The following OCA2 variants were observed in gnomAD, a reference collection of about 807,000 sequenced individuals.
OCA2 encodes the protein OCA2 melanosomal transmembrane protein.
Under a neutral mutation model 100.2 loss-of-function variants are expected in OCA2, and 77 were observed. The observed-to-expected ratio is 0.77, with a 90% CI of 0.64 to 0.93. The LOEUF is 0.93. Among genes scored for constraint, OCA2 ranks in the 40% least tolerant of loss-of-function variants. The probability of loss-of-function intolerance (pLI) is 0.00; values close to 1 mark genes in which losing one functional copy is unlikely to be tolerated. For synonymous variants in OCA2, 432 were observed against 439.2 expected, an observed-to-expected ratio of 0.98 and a Z score of 0.21; for missense variants, 1,062 against 1,089.1, an observed-to-expected ratio of 0.98 and a Z score of 0.35.
intron 5 of OCA2, among the ~76,000 whole-genome samples, chr15:28,024,209 C>G (rs909200868): frequency 6.6e-6 from 1 of 152,202 alleles, no homozygotes; most frequent in African/African-American, 2.4e-5. Flanking sequence ...CAATGAAGAA[C>G]AGCACCGCCC....
chr15:27,776,493 C>G (rs879640407), intron 23 of OCA2: 2 of 152,252 alleles, frequency 1.3e-5, no homozygotes, highest in Non-Finnish European at 2.9e-5. Context: ...ATCGACTGCA[C>G]AGCCCATGTC....
intron 21 of OCA2, among the ~76,000 whole-genome samples, chr15:27,863,852 T>C (rs990241590): frequency 3.9e-5 from 6 of 152,334 alleles, no homozygotes; most frequent in Admixed American, 6.5e-5. Flanking sequence ...TTCCAGAAAC[T>C]ATTTTTTGTG....
intron 18 of OCA2, among the ~76,000 whole-genome samples, chr15:27,939,965 G>C (rs1276200637): frequency 6.6e-6 from 1 of 152,228 alleles, no homozygotes; most frequent in Non-Finnish European, 1.5e-5. Flanking sequence ...ACTGCAGTGA[G>C]CTGCATTCCA....
At chr15:27,765,231 T>C (rs1204842679) in intron 23 of OCA2, among the ~76,000 whole-genome samples, 3 of 152,104 alleles carry the variant, frequency 2.0e-5, no homozygotes, top group Non-Finnish European at 4.4e-5. Context: ...AGAGCCAGTG[T>C]CCTTATACAA....
At chr15:27,771,554 C>A (rs2031868342) in intron 23 of OCA2, among the ~76,000 whole-genome samples, 1 of 152,204 alleles carries the variant, frequency 6.6e-6, no homozygotes, top group African/African-American at 2.4e-5. Context: ...GACTTGTGTT[C>A]CACAGCGAGG....
intron 18 of OCA2, among the ~76,000 whole-genome samples, chr15:27,934,522 T>C (rs2039380499): frequency 6.6e-6 from 1 of 152,208 alleles, no homozygotes; most frequent in African/African-American, 2.4e-5. Context: ...CCAATTTCAC[T>C]TCTCCTGGGT....
intron 19 of OCA2, among the ~76,000 whole-genome samples, chr15:27,915,167 T>C (rs898390980): frequency 3.9e-5 from 6 of 152,074 alleles, no homozygotes; most frequent in Non-Finnish European, 5.9e-5. Context: ...ATGCAGAAGA[T>C]TGAAACCAGA....
Position 27,900,173 on chromosome 15 carries a change from G to C in OCA2, c.2079+25954C>G, listed in dbSNP as rs115063664. Among the ~76,000 whole-genome samples the C allele has an allele frequency of 7.3e-3, 1,118 of 152,222 alleles. 11 individuals are homozygous for C. Among genetic ancestry groups the C allele is most frequent in the Middle Eastern group, 0.02 (6 of 294 alleles). ...TCTTCAGTAGGGACTTTCCCCTCTA[G>C]AGAGCATGTGCAATTTGACTTTACC... On this transcript the variant is annotated intron_variant, in intron 19 of 23. Transcript: ENST00000354638.
chr15:28,048,674 A>G (rs914578688), intron 2 of OCA2, among the ~76,000 whole-genome samples: 1 of 152,156 alleles, frequency 6.6e-6, no homozygotes, highest in African/African-American at 2.4e-5. Flanking sequence ...AAATAGATAA[A>G]TTGAGCTTCA....
intron 23 of OCA2, among the ~76,000 whole-genome samples, chr15:27,841,449 A>C (rs934230922): frequency 6.6e-6 from 1 of 152,232 alleles, no homozygotes; most frequent in Non-Finnish European, 1.5e-5. Context: ...GGGTTTCTGC[A>C]CAAAGGGCTC....
intron 19 of OCA2, among the ~76,000 whole-genome samples, chr15:27,907,575 T>C (rs1045907585): frequency 6.6e-6 from 1 of 152,156 alleles, no homozygotes; most frequent in African/African-American, 2.4e-5. Flanking sequence ...AGTTGTTGTT[T>C]TGAAAAAAAT....
intron 2 of OCA2, among the ~76,000 whole-genome samples, chr15:28,073,789 T>C (rs2044339318): frequency 6.6e-6 from 1 of 152,302 alleles, no homozygotes; most frequent in African/African-American, 2.4e-5. Context: ...CACTGTATGA[T>C]TTCATGTATA....
At chr15:28,021,905 G>A (rs957342959) in intron 6 of OCA2, among the ~76,000 whole-genome samples, 5 of 152,154 alleles carry the variant, frequency 3.3e-5, no homozygotes, top group Non-Finnish European at 5.9e-5. Flanking sequence ...AGTGTCTAGT[G>A]CACCGCAGGT....
chr15:27,844,594 G>A (rs2035463642), intron 23 of OCA2, among the ~76,000 whole-genome samples: 1 of 152,094 alleles, frequency 6.6e-6, no homozygotes, highest in Non-Finnish European at 1.5e-5. Context: ...CACCTCCCGG[G>A]TTCAAGCAAT....
the OCA2 span, among the ~76,000 whole-genome samples, chr15:27,730,147 G>A: frequency 6.6e-6 from 1 of 152,146 alleles, no homozygotes; most frequent in Non-Finnish European, 1.5e-5. Context: ...AAAACTGGGG[G>A]CTCACACAGC....
chr15:27,942,665 G>A (rs2140509054), intron 18 of OCA2, among the ~76,000 whole-genome samples: 1 of 152,112 alleles, frequency 6.6e-6, no homozygotes, highest in East Asian at 1.9e-4. Flanking sequence ...TTTATGTTGT[G>A]TGAATTCTAT....
chr15:28,046,772 C>T (rs1490394296), intron 2 of OCA2, among the ~76,000 whole-genome samples: 1 of 152,156 alleles, frequency 6.6e-6, no homozygotes, highest in African/African-American at 2.4e-5. Context: ...AGAAATGAAC[C>T]GATATTGTGA....
intron 21 of OCA2, among the ~76,000 whole-genome samples, chr15:27,854,744 C>T (rs1050922197): frequency 6.6e-6 from 1 of 152,232 alleles, no homozygotes; most frequent in Non-Finnish European, 1.5e-5. Flanking sequence ...AGAGCTAACA[C>T]ACACACATCA....
At chr15:27,909,706 A>G (rs770369312) in intron 19 of OCA2, among the ~76,000 whole-genome samples, 1 of 152,218 alleles carries the variant, frequency 6.6e-6, no homozygotes, top group Non-Finnish European at 1.5e-5. Context: ...TTGGAAAAAT[A>G]AAATAAAATT....
Sources: allele counts gnomAD v4.1 joint callset (sites outside exome capture counted in the v4.1 genomes callset), GRCh38; gene constraint gnomAD v4.1.1; transcripts MANE v1.5; gene names NCBI Gene and HGNC (gene_info 2026-07-23, HGNC 2026-07-21).